The following LNX1 variants were observed in gnomAD, a reference collection of about 807,000 sequenced individuals.
LNX1 encodes the protein ligand of numb-protein X 1, also known as E3 ubiquitin-protein ligase LNX.
Under a neutral mutation model 68.4 loss-of-function variants are expected in LNX1, and 54 were observed. That is an observed-to-expected ratio of 0.79 (90% CI 0.63 to 0.99). LNX1 has a LOEUF of 0.99. Among genes scored for constraint, LNX1 ranks in the 50% least tolerant of loss-of-function variants. The pLI, the probability that LNX1 is intolerant of heterozygous loss-of-function variation, is 0.00. For synonymous variants in LNX1, 336 were observed against 350.0 expected (o/e 0.96, Z 0.45); for missense variants, 906 against 926.4 (o/e 0.98, Z 0.29).
chr4:53,496,801 G>A (rs1273156442), intron 5 of LNX1, among the ~76,000 whole-genome samples: 1 of 152,162 alleles, frequency 6.6e-6, no homozygotes, highest in Non-Finnish European at 1.5e-5. Flanking sequence ...TCTTCAAGCC[G>A]AGTTGACATT....
intron 1 of LNX1, among the ~76,000 whole-genome samples, chr4:53,624,449 C>T (rs185508637): frequency 2.0e-4 from 31 of 152,306 alleles, no homozygotes; most frequent in African/African-American, 5.8e-4. Context: ...ACATGTCTTT[C>T]GCCATCTGCC....
intron 2 of LNX1, among the ~76,000 whole-genome samples, chr4:53,516,198 G>A (rs1276702247): frequency 6.6e-6 from 1 of 151,956 alleles, no homozygotes; most frequent in East Asian, 1.9e-4. Context: ...GCCATGACTG[G>A]GCTACTGCAC....
intron 1 of LNX1, among the ~76,000 whole-genome samples, chr4:53,579,447 G>A (rs530073326): frequency 2.4e-4 from 37 of 151,948 alleles, no homozygotes; most frequent in Non-Finnish European, 4.4e-4. Context: ...ATCTCTTTTT[G>A]GTCCTAATCC....
At chr4:53,507,941 G>T (rs774939356) in intron 3 of LNX1, 45 bp downstream of exon 3, 6 of 1,591,894 alleles carry the variant, frequency 3.8e-6, no homozygotes, top group Non-Finnish European at 3.4e-6. Context: ...GAGGGCAATC[G>T]CAAGCCAAGG....
intron 9 of LNX1, among the ~76,000 whole-genome samples, chr4:53,466,980 G>C (rs1293520545): frequency 6.6e-6 from 1 of 152,202 alleles, no homozygotes; most frequent in Non-Finnish European, 1.5e-5. Flanking sequence ...CTGTCTGACA[G>C]CTTTGAAGAG....
chr4:53,588,747 G>A (rs757054456), intron 1 of LNX1, among the ~76,000 whole-genome samples: 1 of 152,244 alleles, frequency 6.6e-6, no homozygotes, highest in Middle Eastern at 3.4e-3. Flanking sequence ...TTAGGGCTCC[G>A]TAGGCAAGCT....
At position 53,508,306 on chromosome 4, in the gene LNX1, T is replaced by C. The variant is rs114241705; in HGVS notation, c.381-79A>G. The C allele has an allele frequency of 5.5e-4, 846 of 1,536,550 alleles. 3 individuals are homozygous for C. In the African/African-American group the frequency reaches 0.01, roughly 18 times the overall value. On this transcript the variant is annotated intron_variant, in intron 2 of 10. Transcript: ENST00000263925. ...CTCAGTCAGCCCTCTTCAAATACAA[T>C]TGAAGAATGTATAATAGGCTTGTTG...
intron 2 of LNX1, among the ~76,000 whole-genome samples, chr4:53,565,993 C>G (rs1445201562): frequency 1.3e-5 from 2 of 151,848 alleles, no homozygotes; most frequent in African/African-American, 4.8e-5. Flanking sequence ...AAATATGGGA[C>G]TATGTGAAGA....
chr4:53,524,686 A>G (rs1237055364), intron 2 of LNX1, among the ~76,000 whole-genome samples: 1 of 152,198 alleles, frequency 6.6e-6, no homozygotes, highest in East Asian at 1.9e-4. Context: ...GCTTCTGAAG[A>G]GACTACAAGT....
intron 9 of LNX1, among the ~76,000 whole-genome samples, chr4:53,462,083 A>C (rs1171026057): frequency 6.6e-6 from 1 of 152,106 alleles, no homozygotes; most frequent in African/African-American, 2.4e-5. Flanking sequence ...GAAAAATACC[A>C]CTTTACACCC....
chr4:53,549,099 T>C (rs1412856719), intron 2 of LNX1, among the ~76,000 whole-genome samples: 1 of 152,104 alleles, frequency 6.6e-6, no homozygotes, highest in Non-Finnish European at 1.5e-5. Context: ...TGAAATAATA[T>C]GTGCAAACCC....
At chr4:53,557,891 G>A (rs764988148) in intron 2 of LNX1, 4 of 1,613,422 alleles carry the variant, frequency 2.5e-6, no homozygotes, top group South Asian at 1.1e-5. Flanking sequence ...AATACAGGAA[G>A]TGCAGGTTGC....
Position 53,496,113 on chromosome 4 carries a change from A to G in LNX1, c.1260T>C (p.His420=), listed in dbSNP as rs1725038598. Residue 420 remains histidine, a synonymous_variant, in exon 6 of 11, where the codon CAT becomes CAC. Transcript: ENST00000263925. ...CACGGTCATTCTCCTCAAGCTGACC[A>G]TGTCGATATGCCACACCGCCATCCA... is the stretch of plus-strand genomic sequence containing the variant. ...NVLDGGVAYR[H]GQLEENDRVL... is the part of the protein sequence containing the mutation. 2 of 1,614,186 alleles carry G rather than the reference A, an allele frequency of 1.2e-6. No homozygotes were observed. The highest frequency in any genetic ancestry group is 1.7e-6 in the Non-Finnish European group (2 of 1,180,020).
intron 2 of LNX1, among the ~76,000 whole-genome samples, chr4:53,545,262 C>T (rs1577690702): frequency 6.6e-6 from 1 of 152,256 alleles, no homozygotes; most frequent in African/African-American, 2.4e-5. Flanking sequence ...ATAATTTTAA[C>T]TGGCCAGAGA....
chr4:53,513,872 A>G (rs1241717119), intron 2 of LNX1, among the ~76,000 whole-genome samples: 3 of 152,212 alleles, frequency 2.0e-5, no homozygotes, highest in African/African-American at 7.2e-5. Context: ...TAAGGTCCTT[A>G]CAACGATCTA....
intron 1 of LNX1, among the ~76,000 whole-genome samples, chr4:53,581,134 C>T (rs1237307503): frequency 6.6e-6 from 1 of 152,126 alleles, no homozygotes; most frequent in Non-Finnish European, 1.5e-5. Flanking sequence ...AGGAAAGTAT[C>T]CAAGGAGGTA....
chr4:53,491,961 AT>A (rs1307530244), intron 6 of LNX1, among the ~76,000 whole-genome samples: 1 of 151,812 alleles, frequency 6.6e-6, no homozygotes, highest in African/African-American at 2.4e-5. Flanking sequence ...CTAATTTTGT[AT>A]TTTTAGTAGA....
chr4:53,589,534 C>T (rs1732377008), intron 1 of LNX1, among the ~76,000 whole-genome samples: 1 of 152,258 alleles, frequency 6.6e-6, no homozygotes, highest in South Asian at 2.1e-4. Context: ...CACCAGTTAA[C>T]ACCAGGCATT....
chr4:53,565,095 T>C (rs1730568513), intron 2 of LNX1, among the ~76,000 whole-genome samples: 1 of 151,826 alleles, frequency 6.6e-6, no homozygotes. Flanking sequence ...TTGCCCAGGC[T>C]TGATTAGGTA....
Sources: gnomAD v4.1 joint callset for allele counts (sites outside exome capture counted in the v4.1 genomes callset) on GRCh38, gnomAD v4.1.1 for gene constraint, MANE v1.5 for transcripts, NCBI Gene and HGNC (gene_info 2026-07-23, HGNC 2026-07-21) for gene names.